The following RGS6 variants were observed in gnomAD, a reference collection of about 807,000 sequenced individuals.
RGS6 encodes regulator of G protein signaling 6.
RGS6 carries 30 observed loss-of-function variants against 78.5 expected under a neutral mutation model. That is an observed-to-expected ratio of 0.38 (90% CI 0.29 to 0.52). The LOEUF (loss-of-function observed/expected upper bound fraction) is 0.52, where lower values mean the gene tolerates loss of function less well. RGS6 is among the 20% of genes least tolerant of loss of function. RGS6 has a pLI of 0.85. For missense variants in RGS6, 495 were observed against 609.7 expected, an observed-to-expected ratio of 0.81 and a Z score of 1.98; for synonymous variants, 206 against 206.0, an observed-to-expected ratio of 1.00 and a Z score of 0.00.
chr14:72,187,518 A>C (rs1026585530), intron 2 of RGS6, among the ~76,000 whole-genome samples: 1 of 152,182 alleles, frequency 6.6e-6, no homozygotes, highest in African/African-American at 2.4e-5. Flanking sequence ...AGAGATTTTC[A>C]GTCTTTTATT....
intron 2 of RGS6, among the ~76,000 whole-genome samples, chr14:72,278,513 T>G (rs1259100575): frequency 6.6e-6 from 1 of 152,198 alleles, no homozygotes; most frequent in Non-Finnish European, 1.5e-5. Context: ...AAACAGCACA[T>G]GCCAACAATA....
chr14:71,918,728 C>T, the RGS6 span, among the ~76,000 whole-genome samples: 1 of 152,124 alleles, frequency 6.6e-6, no homozygotes, highest in African/African-American at 2.4e-5. Flanking sequence ...GTCTTCATCC[C>T]TGGTATGCAA....
chr14:72,577,228 C>G, the RGS6 span, among the ~76,000 whole-genome samples: 1 of 152,192 alleles, frequency 6.6e-6, no homozygotes, highest in East Asian at 1.9e-4. Flanking sequence ...CCAGAATTCT[C>G]TATTCATAGC....
chr14:72,188,780 A>G (rs2153712683), intron 2 of RGS6, among the ~76,000 whole-genome samples: 1 of 152,294 alleles, frequency 6.6e-6, no homozygotes, highest in South Asian at 2.1e-4. Flanking sequence ...GCTCTCTTCA[A>G]GCATAGGGAT....
intron 2 of RGS6, among the ~76,000 whole-genome samples, chr14:72,183,931 G>A (rs1295671870): frequency 6.6e-6 from 1 of 152,088 alleles, no homozygotes; most frequent in African/African-American, 2.4e-5. Flanking sequence ...CTAGATGATT[G>A]ATGTATGAAA....
At chr14:72,575,375 A>G in the RGS6 span, among the ~76,000 whole-genome samples, 42,213 of 151,776 alleles carry the variant, frequency 0.28, 7,718 homozygotes, top group African/African-American at 0.53. Flanking sequence ...AGCTGGGGAC[A>G]GGTGCCCTTG....
At chr14:71,922,888 A>AAACAT in the RGS6 span, among the ~76,000 whole-genome samples, 1 of 151,138 alleles carries the variant, frequency 6.6e-6, no homozygotes, top group Non-Finnish European at 1.5e-5. Flanking sequence ...AAACAAAACA[A>AAACAT]AAAAAGGAAC....
intron 17 of RGS6, chr14:72,550,463 A>T: frequency 6.5e-7 from 1 of 1,535,620 alleles, no homozygotes; most frequent in Non-Finnish European, 8.7e-7. Flanking sequence ...AGGAAAAGAC[A>T]GACTGTCAAG....
intron 3 of RGS6, among the ~76,000 whole-genome samples, chr14:72,364,923 A>G (rs1015051713): frequency 2.0e-5 from 3 of 152,236 alleles, no homozygotes; most frequent in African/African-American, 7.2e-5. Flanking sequence ...CCACTTTCTC[A>G]GCAACACAGT....
chr14:72,130,640 A>G (rs1002902842), intron 2 of RGS6, among the ~76,000 whole-genome samples: 2 of 152,222 alleles, frequency 1.3e-5, no homozygotes, highest in South Asian at 2.1e-4. Context: ...TTGCTGTTCT[A>G]TCACAGGGTT....
chr14:72,500,981 G>A (rs2096716891), intron 13 of RGS6, among the ~76,000 whole-genome samples: 1 of 152,114 alleles, frequency 6.6e-6, no homozygotes, highest in Admixed American at 6.6e-5. Flanking sequence ...TTCCTGTAAG[G>A]CCCCCACCCT....
chr14:72,118,704 T>A (rs1393741662), intron 2 of RGS6, among the ~76,000 whole-genome samples: 1 of 152,240 alleles, frequency 6.6e-6, no homozygotes, highest in Admixed American at 6.5e-5. Flanking sequence ...CCCAATGGCA[T>A]GGCAATGGAT....
At chr14:72,571,293 C>CCATGG (rs935820848), downstream of RGS6, among the ~76,000 whole-genome samples, 1 of 152,200 alleles carries the variant, frequency 6.6e-6, no homozygotes, top group African/African-American at 2.4e-5. Context: ...CTTATGCTTA[C>CCATGG]CATGGTCTTT....
the RGS6 span, among the ~76,000 whole-genome samples, chr14:72,593,285 T>C: frequency 6.6e-6 from 1 of 152,248 alleles, no homozygotes; most frequent in African/African-American, 2.4e-5. Context: ...TCTAAGATTA[T>C]TTAGACTGAT....
At chr14:72,319,601 A>C (rs138107554) in intron 2 of RGS6, among the ~76,000 whole-genome samples, 21 of 152,074 alleles carry the variant, frequency 1.4e-4, no homozygotes, top group African/African-American at 5.1e-4. Context: ...TCAGCCTCCC[A>C]AAGTTCTGGG....
At chr14:72,199,338 T>G (rs1164896450) in intron 2 of RGS6, among the ~76,000 whole-genome samples, 3 of 152,218 alleles carry the variant, frequency 2.0e-5, no homozygotes, top group African/African-American at 7.2e-5. Context: ...TATGTTGGTG[T>G]CAGAATTATA....
At chr14:72,384,845 G>T (rs1463904682) in intron 3 of RGS6, among the ~76,000 whole-genome samples, 1 of 152,164 alleles carries the variant, frequency 6.6e-6, no homozygotes, top group Admixed American at 6.5e-5. Flanking sequence ...CCGCCTCCCG[G>T]ATTCAAGTAA....
intron 2 of RGS6, among the ~76,000 whole-genome samples, chr14:72,118,617 T>C (rs922235867): frequency 6.6e-6 from 1 of 152,180 alleles, no homozygotes; most frequent in African/African-American, 2.4e-5. Flanking sequence ...CAAAATATCT[T>C]TCTGAGGTCA....
chr14:72,291,389 A>C (rs1430611157), intron 2 of RGS6, among the ~76,000 whole-genome samples: 4 of 152,106 alleles, frequency 2.6e-5, no homozygotes, highest in Admixed American at 2.0e-4. Context: ...CTCTCCAGGA[A>C]GACTACATTA....
Sources: allele counts gnomAD v4.1 joint callset (sites outside exome capture counted in the v4.1 genomes callset), GRCh38; gene constraint gnomAD v4.1.1; transcripts MANE v1.5; gene names NCBI Gene and HGNC (gene_info 2026-07-23, HGNC 2026-07-21).